Variants in CHD5 observed in about 807,000 individuals in gnomAD.
The protein encoded by CHD5 is chromodomain helicase DNA binding protein 5.
A neutral mutation model predicts 230.3 loss-of-function variants in CHD5; 69 were observed. The observed-to-expected ratio is 0.30, with a 90% CI of 0.25 to 0.37. The LOEUF (loss-of-function observed/expected upper bound fraction) is 0.37. Among genes scored for constraint, CHD5 ranks in the 10% least tolerant of loss-of-function variants. CHD5 has a pLI of 1.00. For synonymous variants in CHD5, 1,064 were observed against 1,065.9 expected (o/e 1.00, Z 0.03); for missense variants, 1,827 against 2,622.8 (o/e 0.70, Z 6.63).
intron 36 of CHD5, 33 bp from the exon 37 acceptor site, chr1:6,110,559 C>T (rs1350874375): frequency 4.8e-6 from 7 of 1,451,226 alleles, no homozygotes; most frequent in Non-Finnish European, 6.5e-6. Flanking sequence ...CAAACCTGGC[C>T]GTTAGAAGTG....
intron 1 of CHD5, among the ~76,000 whole-genome samples, chr1:6,179,714 C>T (rs889109092): frequency 7.6e-5 from 11 of 144,786 alleles, no homozygotes; most frequent in African/African-American, 2.0e-4. Flanking sequence ...CCGGGGGGCC[C>T]GGATCGCACC....
chr1:6,112,993 C>T lies in CHD5; in HGVS notation c.4918G>A (p.Val1640Met), dbSNP rs774026286. Residue 1640 changes from valine to methionine, a missense_variant, in exon 34 of 42, where the codon GTG (valine) becomes ATG (methionine). Around this residue, in one of 14 missense-constraint regions of CHD5, gnomAD observed 272 missense variants for 263.2 expected, o/e 1.03. Coordinates refer to ENST00000262450, the MANE Select transcript of CHD5 (RefSeq NM_015557.3). The stretch of plus-strand genomic sequence containing the variant: ...AGGATCTTCTCCTTCTCAGGAAGCA[C>T]CTCCTCTGCAAGAAAAAGAGGGTTC... The part of the protein sequence containing the change: ...PSPEQLPREE[V>M]LPEKEKILDK... 3.2e-5 allele frequency: 51 copies of T among 1,612,624 alleles called. No individual in the cohort carries two copies. In the South Asian group the frequency reaches 4.9e-4, roughly 16 times the overall value.
chr1:6,143,184 C>T (rs1456865435), intron 13 of CHD5, among the ~76,000 whole-genome samples: 2 of 152,068 alleles, frequency 1.3e-5, no homozygotes, highest in South Asian at 2.1e-4. Context: ...TCCCTAGTAG[C>T]TGGGACCACA....
chr1:6,179,924 G>T, intron 1 of CHD5, 21 bp downstream of exon 1: 2 of 1,273,034 alleles, frequency 1.6e-6, no homozygotes, highest in Non-Finnish European at 2.0e-6. Flanking sequence ...CTGGCCCCAG[G>T]CGCACCCGCG....
At chr1:6,110,367 G>T in intron 37 of CHD5, 27 bp downstream of exon 37, 1 of 1,612,972 alleles carries the variant, frequency 6.2e-7, no homozygotes, top group South Asian at 1.1e-5. Flanking sequence ...CCTGCCCCGT[G>T]CAGCCCTGGC....
chr1:6,110,274 GC>G, intron 37 of CHD5, 119 bp downstream of exon 37: 1 of 1,170,700 alleles, frequency 8.5e-7, no homozygotes, highest in Non-Finnish European at 1.2e-6. Flanking sequence ...CTGCTTCGTG[GC>G]AGCGTGACCC....
In CHD5 at chr1:6,104,760, C is replaced by T. The variant is rs1388680325; in HGVS notation, c.*714G>A. On this transcript the variant is annotated 3_prime_UTR_variant, in exon 42 of 42. Transcript: ENST00000262450. ...GGACAGACACCTGCTGGCAGAGGATCCACCTCCCCACAAGGAGAGAGCAAA... is the reference window on the plus strand; with the variant it reads ...GGACAGACACCTGCTGGCAGAGGATTCACCTCCCCACAAGGAGAGAGCAAA... 1 of 152,750 alleles carries T rather than the reference C, an allele frequency of 6.5e-6. No individual in the cohort carries two copies. Among genetic ancestry groups the T allele is most frequent in the Non-Finnish European group, 1.5e-5 (1 of 68,500 alleles). The allele number at this position is 152,750 out of a possible 1,614,324, so 9.5% of individuals were successfully genotyped here.
chr1:6,136,643 G>A lies in CHD5; in HGVS notation c.2575-5C>T. 1.9e-6 allele frequency: 3 copies of A among 1,614,096 alleles called. No homozygotes were observed. The highest frequency in any genetic ancestry group is 2.5e-6 in the Non-Finnish European group (3 of 1,180,020). On this transcript the variant is annotated splice_polypyrimidine_tract_variant and splice_region_variant and intron_variant, in intron 16 of 41. Transcript: ENST00000262450. Reference sequence around the variant, plus strand: ...GCTGTTTAAGACCCTAAAAAACTGAGGGGAGGAGAGTGGGGCCTGTCAGGG... The same window carrying A: ...GCTGTTTAAGACCCTAAAAAACTGAAGGGAGGAGAGTGGGGCCTGTCAGGG...
rs991640795 is a variant in CHD5 at position 6,159,415 on chromosome 1, A to G, written c.308T>C (p.Leu103Pro). ...YSPNKKKKKKLKDKKEKKAKR... is the reference protein window; with the variant it reads ...YSPNKKKKKKPKDKKEKKAKR... ...GGCTTTTTTCTCCTTCTTGTCCTTG[A>G]GTTTCTTCTTCTTCTTTTTATTCGG... The change falls in exon 3 of 42, where the codon CTC becomes CCC. Residue 103 changes from leucine (L) to proline (P), a missense_variant. This residue lies in a region of CHD5 where 657 missense variants were observed against 816.4 expected (regional missense o/e 0.80). Transcript: ENST00000262450. 6.4e-6 allele frequency: 10 copies of G among 1,560,024 alleles called. No homozygotes were observed. The highest frequency in any genetic ancestry group is 1.4e-5 in the African/African-American group (1 of 73,166).
rs555648668 is a variant in CHD5 at position 6,161,646 on chromosome 1, G to A, written c.208-2131C>T. Reference sequence around the variant, plus strand: ...CCCTGGAGCCACGGCTCCCAAGCTCGGCCTCGGTCCTTTGGGGAGGTGGAG... The same window carrying A: ...CCCTGGAGCCACGGCTCCCAAGCTCAGCCTCGGTCCTTTGGGGAGGTGGAG... On this transcript the variant is annotated intron_variant, in intron 2 of 41. Transcript: ENST00000262450. Among the ~76,000 whole-genome samples, 30 of 152,332 alleles carry A rather than the reference G, an allele frequency of 2.0e-4. No individual in the cohort carries two copies. The South Asian group carries it at 2.1e-3, about 11-fold the overall frequency.
rs1666137566 is a variant in CHD5 at position 6,104,979 on chromosome 1, C to T, written c.*495G>A. 4.9e-6 allele frequency: 1 copy of T among 204,128 alleles called. No homozygotes were observed. Among genetic ancestry groups the T allele is most frequent in the Non-Finnish European group, 1.0e-5 (1 of 99,748 alleles). The allele number at this position is 204,128 out of a possible 1,614,324, so 12.6% of individuals were successfully genotyped here. The stretch of plus-strand genomic sequence containing the variant: ...TAGGGGACACTGAGGGCTCCTAGGG[C>T]ACCGGGCGCCATGTCCTCCCCAGCT... On this transcript the variant is annotated 3_prime_UTR_variant, in exon 42 of 42. Coordinates refer to ENST00000262450, the MANE Select transcript of CHD5 (RefSeq NM_015557.3).
chr1:6,148,991 T>C lies in CHD5; in HGVS notation c.1246A>G (p.Met416Val). ...GGCEEEEDDH[M>V]EFCRVCKDGG... ...TCCTTGCACACGCGGCAGAACTCCA[T>C]GTGGTCGTCCTCCTCCTCCTCGCAG... Residue 416 changes from methionine to valine, a missense_variant, in exon 9 of 42, where the codon ATG (methionine) becomes GTG (valine). Physicochemically the swap from Met to Val is conservative, Grantham distance 21. Transcript: ENST00000262450. 1 of 1,608,062 alleles carries C rather than the reference T, an allele frequency of 6.2e-7. No individual in the cohort carries two copies. Among genetic ancestry groups the C allele is most frequent in the Non-Finnish European group, 8.5e-7 (1 of 1,177,588 alleles).
Position 6,130,468 on chromosome 1 carries a change from G to T in CHD5, c.3263-140C>A. Reference sequence around the variant, plus strand: ...AAGGACAAAGCCGGAGACCCCATCAGAGACGGGTGGCCACAGCTGCACTCA... The same window carrying T: ...AAGGACAAAGCCGGAGACCCCATCATAGACGGGTGGCCACAGCTGCACTCA... On this transcript the variant is annotated intron_variant, in intron 21 of 41. Transcript: ENST00000262450. This position sits in a 1 kb window ranked among gnomAD's most constrained non-coding sequence, Gnocchi z 4.9. 1 of 805,000 alleles carries T rather than the reference G, an allele frequency of 1.2e-6. No homozygotes were observed. The allele number at this position is 805,000 out of a possible 1,614,324, so 49.9% of individuals were successfully genotyped here. A position where few individuals can be genotyped will look rare whatever the true frequency, so the allele number is the denominator to read the frequency against.
intron 36 of CHD5, among the ~76,000 whole-genome samples, chr1:6,111,401 G>C (rs1666285552): frequency 6.6e-6 from 1 of 151,672 alleles, no homozygotes; most frequent in African/African-American, 2.4e-5. Flanking sequence ...AGGTGTGGTG[G>C]GGCACACCTG....
intron 2 of CHD5, 90 bp from the exon 3 acceptor site, chr1:6,159,605 G>T: frequency 9.6e-7 from 1 of 1,039,140 alleles, no homozygotes; most frequent in Non-Finnish European, 1.4e-6. Flanking sequence ...GCTACCTCCT[G>T]GCCCACGCTG....
rs116799121 is a variant in CHD5 at position 6,147,061 on chromosome 1, T to C, written c.1384-190A>G. 6.2e-3 allele frequency among the ~76,000 whole-genome samples: 950 copies of C among 152,304 alleles called. 7 individuals are homozygous for C. Among genetic ancestry groups the C allele is most frequent in the African/African-American group, 0.021 (891 of 41,564 alleles). On this transcript the variant is annotated intron_variant, in intron 9 of 41. Coordinates refer to ENST00000262450, the MANE Select transcript of CHD5 (RefSeq NM_015557.3). The stretch of plus-strand genomic sequence containing the variant: ...CCGCATGGGTCATGCACACAGGAGA[T>C]GGGCAGTGGGGGTCTGTGAGACCAC...
In CHD5 at chr1:6,155,037, G is replaced by A. The variant is rs1397690273; in HGVS notation, c.507-139C>T. The A allele has an allele frequency of 1.4e-5, 11 of 811,278 alleles. No homozygotes were observed. Among genetic ancestry groups the A allele is most frequent in the Admixed American group, 2.8e-5 (1 of 35,244 alleles). 50.3% of individuals were successfully genotyped at this position (811,278 alleles called of 1,614,324 possible). ...AGGTTCCTGATTAGAGAGATTAGGC[G>A]GGAAACCCACTGACCACAGCCCACC... On this transcript the variant is annotated intron_variant, in intron 4 of 41. Transcript: ENST00000262450. The surrounding 1 kb of genome is among the most constrained non-coding windows in gnomAD (Gnocchi z 4.0).
chr1:6,172,621 C>T (rs565197706), intron 1 of CHD5, among the ~76,000 whole-genome samples: 8 of 152,228 alleles, frequency 5.3e-5, no homozygotes, highest in African/African-American at 1.9e-4. Flanking sequence ...CAGTGGGCGC[C>T]CACCCCCTTG....
intron 1 of CHD5, among the ~76,000 whole-genome samples, chr1:6,172,971 A>G (rs1245861220): frequency 6.6e-6 from 1 of 152,014 alleles, no homozygotes; most frequent in Non-Finnish European, 1.5e-5. Flanking sequence ...TGGGTGGTTG[A>G]AGGATTTGCA....
Sources: gnomAD v4.1 joint callset for allele counts (sites outside exome capture counted in the v4.1 genomes callset) on GRCh38, gnomAD v4.1.1 for gene constraint, gnomAD v4.1.1 regional missense constraint, Gnocchi (gnomAD v3.1) non-coding constraint, MANE v1.5 for transcripts, NCBI Gene and HGNC (gene_info 2026-07-23, HGNC 2026-07-21) for gene names.